Variants in FMN2 observed in about 807,000 individuals in gnomAD.
FMN2 encodes formin-2.
Under a neutral mutation model 142.3 loss-of-function variants are expected in FMN2, and 51 were observed. The ratio of observed to expected loss-of-function variants is 0.36; its 90% confidence interval spans 0.29 to 0.45. FMN2 has a LOEUF of 0.45. Ranked by LOEUF, FMN2 falls within the 20% of genes least tolerant of loss-of-function variation. The pLI, the probability that FMN2 is intolerant of heterozygous loss-of-function variation, is 1.00. For missense variants in FMN2, 1,936 were observed against 2,122.8 expected (o/e 0.91, Z 1.73); for synonymous variants, 882 against 869.8 (o/e 1.01, Z -0.25).
chr1:240,339,159 G>A (rs1671664906), intron 13 of FMN2, among the ~76,000 whole-genome samples: 2 of 152,126 alleles, frequency 1.3e-5, no homozygotes, highest in Non-Finnish European at 2.9e-5. Context: ...CTCCTAACAG[G>A]CCGCAGACCA....
chr1:240,425,942 C>T (rs969662245), intron 15 of FMN2, among the ~76,000 whole-genome samples: 1 of 152,144 alleles, frequency 6.6e-6, no homozygotes, highest in African/African-American at 2.4e-5. Context: ...CTGTAGTGCC[C>T]TCTTCTAAGA....
chr1:240,198,759 C>T (rs1001409061), intron 4 of FMN2, among the ~76,000 whole-genome samples: 2 of 152,076 alleles, frequency 1.3e-5, no homozygotes, highest in African/African-American at 4.8e-5. Flanking sequence ...CAGATGTTAA[C>T]ATATTATAAA....
chr1:240,116,368 G>A (rs16839444), intron 1 of FMN2, among the ~76,000 whole-genome samples: 2,298 of 152,272 alleles, frequency 0.015, 30 homozygotes, highest in Admixed American at 0.037. Flanking sequence ...GCGAGATTAT[G>A]GGAGAGAATA....
intron 15 of FMN2, among the ~76,000 whole-genome samples, chr1:240,419,304 T>C (rs1016720333): frequency 6.6e-6 from 1 of 152,220 alleles, no homozygotes; most frequent in Non-Finnish European, 1.5e-5. Context: ...GCTTTTTGCC[T>C]AAATTTGTAC....
chr1:240,125,960 T>C (rs940338425), intron 2 of FMN2, among the ~76,000 whole-genome samples: 4 of 152,224 alleles, frequency 2.6e-5, no homozygotes, highest in Non-Finnish European at 5.9e-5. Context: ...TGTCTTCCTT[T>C]ATTCATTGGC....
rs1241493549 is a variant in FMN2 at position 240,230,489 on chromosome 1, TA to T, written c.4065+19261del. On this transcript the variant is annotated intron_variant, in intron 6 of 17. Coordinates refer to ENST00000319653, the MANE Select transcript of FMN2 (RefSeq NM_020066.5). ...TTTCCTATTTTTTCTCAGAGAGCCATAAAAAAATTTTGTTTTGAGGTGTGTA... is the reference window on the plus strand; with the variant it reads ...TTTCCTATTTTTTCTCAGAGAGCCATAAAAAATTTTGTTTTGAGGTGTGTA... Among the ~76,000 whole-genome samples the T allele has an allele frequency of 8.3e-5, 11 of 132,294 alleles. 2 individuals carry two copies. Among genetic ancestry groups the T allele is most frequent in the Non-Finnish European group, 1.4e-4 (9 of 62,942 alleles). 86.8% of individuals were successfully genotyped at this position (132,294 alleles called of 152,430 possible).
At chr1:240,321,236 C>T (rs1224551482) in intron 8 of FMN2, among the ~76,000 whole-genome samples, 4 of 151,654 alleles carry the variant, frequency 2.6e-5, no homozygotes, top group Admixed American at 2.6e-4. Context: ...ATTTGCTAGA[C>T]ATTTTCTTGA....
chr1:240,152,549 A>G (rs1663833398), intron 2 of FMN2, among the ~76,000 whole-genome samples: 2 of 152,096 alleles, frequency 1.3e-5, no homozygotes, highest in Non-Finnish European at 2.9e-5. Context: ...AGACTCATAC[A>G]TACCACGCTC....
At chr1:240,399,191 TTAAG>T (rs1330791482) in intron 15 of FMN2, among the ~76,000 whole-genome samples, 10 of 152,256 alleles carry the variant, frequency 6.6e-5, no homozygotes, top group African/African-American at 2.4e-4. Flanking sequence ...ACTTAACTGA[TTAAG>T]TAGGTTAAAT....
At chr1:240,474,005 C>T in intron 17 of FMN2, 123 bp from the exon 18 acceptor site, 7 of 783,600 alleles carry the variant, frequency 8.9e-6, no homozygotes, top group Non-Finnish European at 1.4e-5. Flanking sequence ...GACTGGTAGA[C>T]CTTTAACCTT....
intron 14 of FMN2, among the ~76,000 whole-genome samples, chr1:240,377,384 T>A (rs1673082871): frequency 1.3e-5 from 2 of 152,120 alleles, no homozygotes; most frequent in African/African-American, 4.8e-5. Context: ...TGACAAGGAA[T>A]CTATATTAGT....
intron 1 of FMN2, among the ~76,000 whole-genome samples, chr1:240,109,560 C>T (rs577234963): frequency 2.0e-5 from 3 of 152,258 alleles, no homozygotes; most frequent in South Asian, 4.1e-4. Context: ...TTTAGATACT[C>T]TTGCAGGAAG....
chr1:240,227,637 C>A (rs1027880824), intron 6 of FMN2, among the ~76,000 whole-genome samples: 2 of 151,300 alleles, frequency 1.3e-5, no homozygotes, highest in African/African-American at 4.8e-5. Context: ...GTCCAGAAAT[C>A]AGTTCTTACA....
At chr1:240,346,272 T>A (rs1379316261) in intron 13 of FMN2, among the ~76,000 whole-genome samples, 1 of 148,016 alleles carries the variant, frequency 6.8e-6, no homozygotes, top group East Asian at 1.9e-4. Flanking sequence ...AGTAAGAAAT[T>A]AATAATAATA....
chr1:240,205,079 G>A (rs1254134524), intron 4 of FMN2, among the ~76,000 whole-genome samples: 2 of 152,152 alleles, frequency 1.3e-5, no homozygotes, highest in Non-Finnish European at 2.9e-5. Context: ...CAAGTCTGGA[G>A]TATAAGTGTC....
At chr1:240,220,034 T>G (rs10495461) in intron 6 of FMN2, among the ~76,000 whole-genome samples, 51,327 of 152,048 alleles carry the variant, frequency 0.34, 9,198 homozygotes, top group Non-Finnish European at 0.39. Flanking sequence ...CTTTGGGACC[T>G]GAAACTGTCT....
At chr1:240,203,002 C>T (rs1666187184) in intron 4 of FMN2, among the ~76,000 whole-genome samples, 1 of 152,070 alleles carries the variant, frequency 6.6e-6, no homozygotes, top group South Asian at 2.1e-4. Context: ...CAGCATAACT[C>T]AAGAAATACC....
intron 15 of FMN2, among the ~76,000 whole-genome samples, chr1:240,398,658 T>G (rs921672855): frequency 3.3e-5 from 5 of 152,270 alleles, no homozygotes; most frequent in African/African-American, 1.2e-4. Flanking sequence ...GGGGCAACAA[T>G]CAGTAGTAAT....
intron 6 of FMN2, among the ~76,000 whole-genome samples, chr1:240,250,321 T>C (rs1292257174): frequency 6.6e-6 from 1 of 152,170 alleles, no homozygotes; most frequent in East Asian, 1.9e-4. Flanking sequence ...TTTTATCAAA[T>C]GCTTTTTCTG....
Sources: allele counts gnomAD v4.1 joint callset (sites outside exome capture counted in the v4.1 genomes callset), GRCh38; gene constraint gnomAD v4.1.1; transcripts MANE v1.5; gene names NCBI Gene and HGNC (gene_info 2026-07-23, HGNC 2026-07-21).